The following ITIH5 variants were observed in gnomAD, a reference collection of about 807,000 sequenced individuals.
ITIH5 encodes the protein inter-alpha-trypsin inhibitor heavy chain 5, also known as inter-alpha-trypsin inhibitor heavy chain H5.
ITIH5 carries 65 observed loss-of-function variants against 77.5 expected under a neutral mutation model. The ratio of observed to expected loss-of-function variants is 0.84; its 90% CI spans 0.69 to 1.03. The LOEUF is 1.03. Among genes scored for constraint, ITIH5 ranks in the 50% least tolerant of loss-of-function variants. The probability of loss-of-function intolerance (pLI) is 0.00; values close to 1 mark genes in which losing one functional copy is unlikely to be tolerated. For synonymous variants in ITIH5, 525 were observed against 494.3 expected, an observed-to-expected ratio of 1.06 and a Z score of -0.82; for missense variants, 1,208 against 1,213.1, an observed-to-expected ratio of 1.00 and a Z score of 0.06.
At chr10:7,630,453 G>A (rs188899650) in intron 5 of ITIH5, among the ~76,000 whole-genome samples, 13 of 152,264 alleles carry the variant, frequency 8.5e-5, no homozygotes, top group Middle Eastern at 3.4e-3. Flanking sequence ...AGCAATGTAC[G>A]AGGGTCCTAA....
chr10:7,631,273 G>A (rs928844080), intron 5 of ITIH5, among the ~76,000 whole-genome samples: 3 of 152,088 alleles, frequency 2.0e-5, no homozygotes, highest in Admixed American at 1.3e-4. Context: ...TCTAACGGGC[G>A]GCAAAGTTTG....
At chr10:7,642,374 A>G (rs1000072706) in intron 2 of ITIH5, among the ~76,000 whole-genome samples, 1 of 152,206 alleles carries the variant, frequency 6.6e-6, no homozygotes, top group Non-Finnish European at 1.5e-5. Flanking sequence ...AATTTGGCAG[A>G]AAATACACGT....
chr10:7,590,329 T>C (rs927090759), intron 7 of ITIH5, among the ~76,000 whole-genome samples: 17 of 152,316 alleles, frequency 1.1e-4, no homozygotes, highest in East Asian at 5.8e-4. Context: ...TAAACTGATA[T>C]TCCTTTACTT....
At chr10:7,616,827 AAAAAT>A (rs1833377425) in intron 6 of ITIH5, among the ~76,000 whole-genome samples, 1 of 152,194 alleles carries the variant, frequency 6.6e-6, no homozygotes, top group Non-Finnish European at 1.5e-5. Context: ...ATTTGGTCTC[AAAAAT>A]AAAATAAAAT....
In ITIH5 at chr10:7,651,358, C is replaced by T. The variant is rs576007246; in HGVS notation, c.135+4273G>A. On this transcript the variant is annotated intron_variant, in intron 2 of 13. Transcript: ENST00000397146. The stretch of plus-strand genomic sequence containing the variant: ...CAGCACTTTGGGAGGGCAGGGCAGG[C>T]GGATCACCTGAGGTCAGGAGTTTAA... Among the ~76,000 whole-genome samples the T allele has an allele frequency of 1.8e-3, 281 of 152,172 alleles. 1 individual carries two copies. Among genetic ancestry groups the T allele is most frequent in the African/African-American group, 6.4e-3 (264 of 41,508 alleles).
At chr10:7,656,853 C>T (rs1240012575) in intron 1 of ITIH5, among the ~76,000 whole-genome samples, 4 of 150,586 alleles carry the variant, frequency 2.7e-5, no homozygotes, top group Non-Finnish European at 5.9e-5. Context: ...AAGCGATTCT[C>T]CTGCCTCAGC....
chr10:7,568,832 A>G (rs1490179292), intron 12 of ITIH5, among the ~76,000 whole-genome samples: 1 of 152,084 alleles, frequency 6.6e-6, no homozygotes. Context: ...TTGTCCATAC[A>G]TGTTCACGGC....
chr10:7,600,484 C>T, intron 7 of ITIH5: 1 of 455,786 alleles, frequency 2.2e-6, no homozygotes, highest in Admixed American at 2.4e-5. Flanking sequence ...GCCCAGCCCA[C>T]CAGAAATGAG....
rs1834315862 is a variant in ITIH5, at chr10:7,663,687, T to C, written c.90+3116A>G. Among the ~76,000 whole-genome samples, 2 of 152,332 alleles carry C rather than the reference T, an allele frequency of 1.3e-5. 1 individual carries two copies. Among genetic ancestry groups the C allele is most frequent in the Admixed American group, 1.3e-4 (2 of 15,304 alleles). Reference sequence around the variant, plus strand: ...CAAAGCCTAGATCCACCCCTGCCTATGTAGTAGGAATTATTAACAACTCTA... The same window carrying C: ...CAAAGCCTAGATCCACCCCTGCCTACGTAGTAGGAATTATTAACAACTCTA... On this transcript the variant is annotated intron_variant, in intron 1 of 13. Transcript: ENST00000397146.
intron 8 of ITIH5, among the ~76,000 whole-genome samples, chr10:7,584,601 G>A (rs1043803579): frequency 1.1e-4 from 17 of 151,998 alleles, no homozygotes; most frequent in African/African-American, 3.1e-4. Flanking sequence ...CACCCCACCC[G>A]GCCCAGCCAT....
intron 7 of ITIH5, among the ~76,000 whole-genome samples, chr10:7,598,829 A>G (rs1832959477): frequency 6.6e-6 from 1 of 152,254 alleles, no homozygotes; most frequent in African/African-American, 2.4e-5. Context: ...GGCTAAAGTC[A>G]GCCTTAACTT....
intron 5 of ITIH5, among the ~76,000 whole-genome samples, chr10:7,623,217 C>G (rs754892574): frequency 7.9e-5 from 12 of 152,120 alleles, no homozygotes; most frequent in Non-Finnish European, 1.6e-4. Flanking sequence ...TGGCTGCTGT[C>G]GGAGAAAAGC....
At chr10:7,630,039 A>G (rs946620345) in intron 5 of ITIH5, among the ~76,000 whole-genome samples, 3 of 152,246 alleles carry the variant, frequency 2.0e-5, no homozygotes, top group African/African-American at 4.8e-5. Flanking sequence ...TTAAACGTCT[A>G]TAAGTAATTT....
intron 2 of ITIH5, among the ~76,000 whole-genome samples, chr10:7,645,594 T>C (rs1401715679): frequency 1.1e-4 from 16 of 152,140 alleles, no homozygotes; most frequent in Non-Finnish European, 1.2e-4. Context: ...ATCACCAAAA[T>C]TACATCCACA....
At position 7,580,181 on chromosome 10, in the gene ITIH5, C is replaced by T. The variant is rs565057430; in HGVS notation, c.1109-117G>A. 129 of 852,846 alleles carry T rather than the reference C, an allele frequency of 1.5e-4. No homozygotes were observed. The Middle Eastern group carries it at 2.1e-3, about 14-fold the overall frequency. 52.8% of individuals were successfully genotyped at this position (852,846 alleles called of 1,614,324 possible). ...TGTCACCCAGGCTGGAGTGCAATGG[C>T]GCAATCTGCACTCACTGCAACCTCC... On this transcript the variant is annotated intron_variant, in intron 8 of 13. Transcript: ENST00000397146.
At chr10:7,614,929 C>T (rs1833333841) in intron 7 of ITIH5, among the ~76,000 whole-genome samples, 1 of 152,114 alleles carries the variant, frequency 6.6e-6, no homozygotes, top group African/African-American at 2.4e-5. Context: ...CTCATTAAAT[C>T]ACAAATGCAT....
At chr10:7,605,542 C>T (rs201602492) in intron 7 of ITIH5, among the ~76,000 whole-genome samples, 6 of 151,276 alleles carry the variant, frequency 4.0e-5, no homozygotes, top group South Asian at 2.1e-4. Flanking sequence ...CACCCCACCC[C>T]CAACAGCCTA....
chr10:7,641,778 G>A (rs4420165), intron 3 of ITIH5, 149 bp downstream of exon 3: 128,511 of 546,956 alleles, frequency 0.23, 16,895 homozygotes, highest in Non-Finnish European at 0.28. Flanking sequence ...ACCAACCAAT[G>A]AATTTGAACA....
chr10:7,625,913 C>T (rs1049960271), intron 5 of ITIH5, among the ~76,000 whole-genome samples: 3 of 152,188 alleles, frequency 2.0e-5, no homozygotes, highest in Non-Finnish European at 2.9e-5. Context: ...ACATCTTAGA[C>T]GTCTGTAGAT....
Sources: allele counts gnomAD v4.1 joint callset (sites outside exome capture counted in the v4.1 genomes callset), GRCh38; gene constraint gnomAD v4.1.1; transcripts MANE v1.5; gene names NCBI Gene and HGNC (gene_info 2026-07-23, HGNC 2026-07-21).